CHST8: variants seen among roughly 807,000 people sequenced by gnomAD.
CHST8 encodes carbohydrate sulfotransferase 8.
In CHST8, 10 loss-of-function variants were observed where a neutral mutation model predicts 15.0. The ratio of observed to expected loss-of-function variants is 0.67; its 90% confidence interval spans 0.41 to 1.13. CHST8 has a LOEUF of 1.13. Among genes scored for constraint, CHST8 ranks in the 50% most tolerant of loss-of-function variants. CHST8 has a pLI of 0.00. For synonymous variants in CHST8, 259 were observed against 256.6 expected, an observed-to-expected ratio of 1.01 and a Z score of -0.09; for missense variants, 634 against 608.2, an observed-to-expected ratio of 1.04 and a Z score of -0.45.
At chr19:33,739,084 A>G (rs979784560) in intron 3 of CHST8, among the ~76,000 whole-genome samples, 1 of 152,146 alleles carries the variant, frequency 6.6e-6, no homozygotes. Context: ...CCCACTTACC[A>G]TGTAAAGTTA....
rs1973046519 is a variant in CHST8, at chr19:33,689,194, C to G, written c.-68C>G. 1 of 1,459,630 alleles carries G rather than the reference C, an allele frequency of 6.9e-7. No individual in the cohort carries two copies. The highest frequency in any genetic ancestry group is 1.5e-5 in the African/African-American group (1 of 68,902). The allele number at this position is 1,459,630 out of a possible 1,614,324, so 90.4% of individuals were successfully genotyped here. A position where few individuals can be genotyped will look rare whatever the true frequency, so the allele number is the denominator to read the frequency against. On this transcript the variant is annotated 5_prime_UTR_variant, in exon 3 of 5. Transcript: ENST00000650847. ...CCCGTAGATCTCGGCCTGATGGACG[C>G]CTGGTGTGGACGATGAGGGAAGAAC...
At chr19:33,710,746 C>A (rs953347707) in intron 3 of CHST8, among the ~76,000 whole-genome samples, 3 of 152,154 alleles carry the variant, frequency 2.0e-5, no homozygotes, top group Admixed American at 2.0e-4. Flanking sequence ...GAATGTAAGC[C>A]CCCAGGGAAC....
chr19:33,770,394 G>A (rs1332191761), intron 3 of CHST8, among the ~76,000 whole-genome samples: 1 of 152,174 alleles, frequency 6.6e-6, no homozygotes, highest in Admixed American at 6.5e-5. Context: ...AGAGCCTCAG[G>A]ACGAAAATGT....
chr19:33,718,759 G>T lies in CHST8; in HGVS notation c.130+29368G>T, dbSNP rs529563738. Among the ~76,000 whole-genome samples, 91 of 152,350 alleles carry T rather than the reference G, an allele frequency of 6.0e-4. 2 individuals are homozygous for T. In the South Asian group the frequency reaches 0.018, roughly 30 times the overall value. Reference sequence around the variant, plus strand: ...TTCTCCCCAAGAAGAGGTCAGAGCCGCAGCCTGCGGAGGAGGGTGTTGAGG... The same window carrying T: ...TTCTCCCCAAGAAGAGGTCAGAGCCTCAGCCTGCGGAGGAGGGTGTTGAGG... On this transcript the variant is annotated intron_variant, in intron 3 of 4. Transcript: ENST00000650847.
At chr19:33,694,474 AG>A (rs1291768421) in intron 3 of CHST8, among the ~76,000 whole-genome samples, 1 of 151,852 alleles carries the variant, frequency 6.6e-6, no homozygotes, top group Non-Finnish European at 1.5e-5. Context: ...GATGACTCCT[AG>A]GTCTGTGGCC....
intron 3 of CHST8, among the ~76,000 whole-genome samples, chr19:33,713,073 T>C: frequency 6.6e-6 from 1 of 152,062 alleles, no homozygotes; most frequent in East Asian, 1.9e-4. Context: ...TGGCTGGCAC[T>C]CATACTCCCC....
chr19:33,738,770 A>C (rs1326785259), intron 3 of CHST8, among the ~76,000 whole-genome samples: 1 of 152,018 alleles, frequency 6.6e-6, no homozygotes, highest in Non-Finnish European at 1.5e-5. Flanking sequence ...TTGTACTTTT[A>C]GTAGAGATGA....
chr19:33,734,647 G>A (rs762643812), intron 3 of CHST8, among the ~76,000 whole-genome samples: 17 of 152,150 alleles, frequency 1.1e-4, no homozygotes, highest in Non-Finnish European at 2.4e-4. Flanking sequence ...AGGGAGAGGA[G>A]AGGAAGGAGG....
intron 3 of CHST8, among the ~76,000 whole-genome samples, chr19:33,756,828 A>T (rs1370742637): frequency 2.0e-5 from 3 of 152,134 alleles, no homozygotes; most frequent in Non-Finnish European, 4.4e-5. Context: ...AACCCTCAGG[A>T]GTCTCTCCGC....
intron 3 of CHST8, among the ~76,000 whole-genome samples, chr19:33,706,341 T>C (rs1173148245): frequency 6.6e-6 from 1 of 152,170 alleles, no homozygotes; most frequent in Non-Finnish European, 1.5e-5. Context: ...CAGGTGCCCA[T>C]GTGTGTGCAT....
intron 3 of CHST8, among the ~76,000 whole-genome samples, chr19:33,762,133 G>A (rs1431138801): frequency 1.3e-5 from 2 of 152,236 alleles, no homozygotes; most frequent in Non-Finnish European, 2.9e-5. Context: ...GATGCAGTGG[G>A]TGGCGCGGGT....
At chr19:33,735,454 A>G (rs1253668883) in intron 3 of CHST8, among the ~76,000 whole-genome samples, 1 of 152,234 alleles carries the variant, frequency 6.6e-6, no homozygotes. Flanking sequence ...CTGCAAGGGC[A>G]GTCAGAGGGT....
chr19:33,689,157 T>C lies in CHST8; in HGVS notation c.-86-19T>C. The C allele has an allele frequency of 7.3e-7, 1 of 1,375,010 alleles. No individual in the cohort carries two copies. The highest frequency in any genetic ancestry group is 9.6e-7 in the Non-Finnish European group (1 of 1,046,354). The allele number at this position is 1,375,010 out of a possible 1,614,324, so 85.2% of individuals were successfully genotyped here. ...GTGCCTCGCGCCTCGGTGATGACTA[T>C]CCCTCCTCTGCCCCGTAGATCTCGG... On this transcript the variant is annotated intron_variant, in intron 2 of 4. Transcript: ENST00000650847.
At chr19:33,746,355 C>A (rs529718122) in intron 3 of CHST8, among the ~76,000 whole-genome samples, 57 of 152,302 alleles carry the variant, frequency 3.7e-4, no homozygotes, top group African/African-American at 1.3e-3. Flanking sequence ...CACTCACTCC[C>A]CGCACCGCCC....
At chr19:33,718,910 T>A (rs977743323) in intron 3 of CHST8, among the ~76,000 whole-genome samples, 4 of 151,566 alleles carry the variant, frequency 2.6e-5, no homozygotes, top group Admixed American at 2.6e-4. Context: ...AGTCCTGAAG[T>A]CTTGAATCTC....
At chr19:33,628,760 A>G (rs2145433980) in intron 1 of CHST8, among the ~76,000 whole-genome samples, 1 of 152,318 alleles carries the variant, frequency 6.6e-6, no homozygotes, top group East Asian at 1.9e-4. Context: ...GAACCAGTGC[A>G]TTCTGCAAGT....
At chr19:33,623,417 T>A (rs1347161542) in intron 1 of CHST8, among the ~76,000 whole-genome samples, 4 of 152,106 alleles carry the variant, frequency 2.6e-5, no homozygotes, top group Non-Finnish European at 5.9e-5. Context: ...TGGCGCGATC[T>A]GGCGCAGCAG....
At chr19:33,624,429 T>C (rs961925424) in intron 1 of CHST8, among the ~76,000 whole-genome samples, 1 of 152,244 alleles carries the variant, frequency 6.6e-6, no homozygotes, top group African/African-American at 2.4e-5. Context: ...TATAATCTTG[T>C]AGCCAGAATA....
chr19:33,675,089 T>C (rs972954462), intron 2 of CHST8, among the ~76,000 whole-genome samples: 2 of 152,090 alleles, frequency 1.3e-5, no homozygotes, highest in Non-Finnish European at 2.9e-5. Flanking sequence ...AAGGAGTGAA[T>C]GTGTAGTGGG....
Sources: gnomAD v4.1 joint callset for allele counts (sites outside exome capture counted in the v4.1 genomes callset) on GRCh38, gnomAD v4.1.1 for gene constraint, MANE v1.5 for transcripts, NCBI Gene and HGNC (gene_info 2026-07-23, HGNC 2026-07-21) for gene names.